The following NACAD variants were observed in gnomAD, a reference collection of about 807,000 sequenced individuals.
NACAD encodes NAC alpha domain containing.
Under a neutral mutation model 98.9 loss-of-function variants are expected in NACAD, and 47 were observed. The observed-to-expected ratio is 0.48, with a 90% CI of 0.38 to 0.61. The LOEUF is 0.61. NACAD is among the 20% of genes least tolerant of loss of function. The pLI is 0.00. For missense variants in NACAD, 1,412 were observed against 1,748.2 expected (o/e 0.81, Z 3.43); for synonymous variants, 696 against 767.2 (o/e 0.91, Z 1.53).
rs1394151562 is a variant in NACAD, at chr7:45,084,960, C to G, written c.1220G>C (p.Gly407Ala). The G allele has an allele frequency of 1.3e-6, 2 of 1,551,136 alleles. No individual in the cohort carries two copies. The highest frequency in any genetic ancestry group is 3.9e-5 in the Admixed American group (2 of 51,006). ...CAAAGTGGCCTGGGCATGGGGCTCC[C>G]CGCTGTACAGCCTCTCATCATCTGC... ...AEADDERLYS[G>A]EPHAQATLLQ... Residue 407 changes from glycine to alanine, a missense_variant, in exon 2 of 8, where the codon GGG becomes GCG. By Grantham distance (60) the Gly-to-Ala change is moderately conservative. Transcript: ENST00000490531.
rs1330641902 is a variant in NACAD, at chr7:45,081,866, G to A, written c.4074C>T (p.Asp1358=). Reference sequence around the variant, plus strand: ...GGCCCGAGCCCAGGGCCCGAGGCGAGTCTGGGGAAGGGGAGAGGTGTGAGG... The same window carrying A: ...GGCCCGAGCCCAGGGCCCGAGGCGAATCTGGGGAAGGGGAGAGGTGTGAGG... The part of the protein sequence containing the change: ...QQEDEDSLEE[D]SPRALGSGQH... The change falls in exon 3 of 8, where the codon GAC becomes GAT. Residue 1358 remains aspartate (D), a splice_region_variant and synonymous_variant. Transcript: ENST00000490531. 1 of 1,544,586 alleles carries A rather than the reference G, an allele frequency of 6.5e-7. No homozygotes were observed.
In NACAD at chr7:45,082,579, G is replaced by A. The variant is rs774563747; in HGVS notation, c.3601C>T (p.Leu1201Phe). Residue 1201 changes from leucine (L) to phenylalanine (F), a missense_variant, in exon 2 of 8, where the codon CTT (leucine) becomes TTT (phenylalanine). This residue lies in a region of NACAD where 572 missense variants were observed against 639.6 expected (regional missense o/e 0.89). Coordinates refer to ENST00000490531, the MANE Select transcript of NACAD (RefSeq NM_001146334.2). The surrounding 1 kb of genome is among the most constrained non-coding windows in gnomAD (Gnocchi z 4.5). Reference protein sequence around the residue: ...VEQPHEVPSVLGTPLLQPPEN... With the variant: ...VEQPHEVPSVFGTPLLQPPEN... ...GGGGGCTGCAGCAAGGGGGTGCCAA[G>A]GACACTGGGTACTTCGTGGGGTTGC... is the stretch of plus-strand genomic sequence containing the variant. 42 of 1,544,790 alleles carry A rather than the reference G, an allele frequency of 2.7e-5. 1 individual carries two copies. In the Middle Eastern group the frequency reaches 2.0e-3, roughly 74 times the overall value.
chr7:45,085,687 A>T lies in NACAD; in HGVS notation c.493T>A (p.Ser165Thr), dbSNP rs1784510652. 1.9e-6 allele frequency: 3 copies of T among 1,549,190 alleles called. No homozygotes were observed. Among genetic ancestry groups the T allele is most frequent in the Non-Finnish European group, 2.6e-6 (3 of 1,146,546 alleles). The change falls in exon 2 of 8, where the codon TCC (serine) becomes ACC (threonine). Residue 165 changes from serine (S) to threonine (T), a missense_variant. Ser to Thr is a moderately conservative substitution (Grantham distance 58). Around this residue, in one of 5 missense-constraint regions of NACAD, gnomAD observed 638 missense variants for 722.7 expected, o/e 0.88. Coordinates refer to ENST00000490531, the MANE Select transcript of NACAD (RefSeq NM_001146334.2). The surrounding 1 kb of genome is among the most constrained non-coding windows in gnomAD (Gnocchi z 6.1). ...AAGGAATCAGGGTCTGGGGGAGGGG[A>T]AGGCACAGAAAGATCACCCTGAGAA... ...LCSQGDLSVP[S>T]PPPDPDSFFT...
rs1015769543 is a variant in NACAD, at chr7:45,084,834, G to A, written c.1346C>T (p.Pro449Leu). 6.4e-7 allele frequency: 1 copy of A among 1,550,728 alleles called. No individual in the cohort carries two copies. Among genetic ancestry groups the A allele is most frequent in the African/African-American group, 1.4e-5 (1 of 73,002 alleles). ...GTVSWAVEAAPQTSDRGAYLS... is the reference protein window; with the variant it reads ...GTVSWAVEAALQTSDRGAYLS... ...ATAGGCCCCTCTGTCTGAGGTCTGA[G>A]GAGCAGCCTCCACGGCCCAGGACAC... The change falls in exon 2 of 8, where the codon CCT becomes CTT. Residue 449 changes from proline to leucine, a missense_variant. Transcript: ENST00000490531.
In NACAD at chr7:45,080,879, T is replaced by TTCCTCC. The variant is rs766770999; in HGVS notation, c.4542_4547dup (p.Glu1516_Glu1517dup). On this transcript the variant is annotated inframe_insertion, in exon 6 of 8. Transcript: ENST00000490531. ...CCCTGGAGCCCCTGCACTTCACCTCTTCCTCCTCCTCCTCTTCCTCTTCCT... is the reference window on the plus strand; with the variant it reads ...CCCTGGAGCCCCTGCACTTCACCTCTTCCTCCTCCTCCTCCTCCTCTTCCTCTTCCT... 1.3e-6 allele frequency: 2 copies of TTCCTCC among 1,556,244 alleles called. No homozygotes were observed. The highest frequency in any genetic ancestry group is 2.4e-5 in the South Asian group (2 of 84,474).
Position 45,082,698 on chromosome 7 carries a change from G to A in NACAD, c.3482C>T (p.Ser1161Phe). Residue 1161 changes from serine (S) to phenylalanine (F), a missense_variant, in exon 2 of 8, where the codon TCC (serine) becomes TTC (phenylalanine). Physicochemically the swap from Ser to Phe is radical, Grantham distance 155. Around this residue, in one of 5 missense-constraint regions of NACAD, gnomAD observed 572 missense variants for 639.6 expected, o/e 0.89. Coordinates refer to ENST00000490531, the MANE Select transcript of NACAD (RefSeq NM_001146334.2). This position sits in a 1 kb window ranked among gnomAD's most constrained non-coding sequence, Gnocchi z 4.5. ...SCPESSVGAV[S>F]SLDRGCPDAP... ...GTCAGGGCAGCCTCTGTCCAGACTG[G>A]ACACAGCCCCTACTGAAGACTCTGG... 1.3e-6 allele frequency: 2 copies of A among 1,517,370 alleles called. No individual in the cohort carries two copies. The highest frequency in any genetic ancestry group is 1.8e-6 in the Non-Finnish European group (2 of 1,130,594). 94.0% of individuals were successfully genotyped at this position (1,517,370 alleles called of 1,614,324 possible). A position where few individuals can be genotyped will look rare whatever the true frequency, so the allele number is the denominator to read the frequency against.
Position 45,084,677 on chromosome 7 carries a change from T to A in NACAD, c.1503A>T (p.Arg501Ser). 6.4e-7 allele frequency: 1 copy of A among 1,551,172 alleles called. No homozygotes were observed. The highest frequency in any genetic ancestry group is 8.7e-7 in the Non-Finnish European group (1 of 1,146,844). ...APGLQVEVAT[R>S]VTPQAGEEET... Reference sequence around the variant, plus strand: ...CTTCCTCCCCAGCCTGTGGGGTCACTCTGGTAGCCACCTCCACCTGGAGGC... The same window carrying A: ...CTTCCTCCCCAGCCTGTGGGGTCACACTGGTAGCCACCTCCACCTGGAGGC... The change falls in exon 2 of 8, where the codon AGA becomes AGT. Residue 501 changes from arginine to serine, a missense_variant. Arg to Ser is a moderately radical substitution (Grantham distance 110). Transcript: ENST00000490531.
Position 45,085,238 on chromosome 7 carries a change from C to T in NACAD, c.942G>A (p.Gln314=). Residue 314 remains glutamine (Q), a synonymous_variant, in exon 2 of 8, where the codon CAG becomes CAA. Coordinates refer to ENST00000490531, the MANE Select transcript of NACAD (RefSeq NM_001146334.2). This position sits in a 1 kb window ranked among gnomAD's most constrained non-coding sequence, Gnocchi z 6.1. ...PMIPAALLPF[Q]GSLIFQVEAV... ...CCTCCACCTGAAAGATGAGGCTGCC[C>T]TGGAAGGGTAGGAGGGCTGCGGGGA... The T allele has an allele frequency of 6.4e-7, 1 of 1,551,426 alleles. No homozygotes were observed. Among genetic ancestry groups the T allele is most frequent in the South Asian group, 1.2e-5 (1 of 84,066 alleles).
Position 45,084,748 on chromosome 7 carries a change from C to T in NACAD, c.1432G>A (p.Glu478Lys). The part of the protein sequence containing the change: ...VTEEGLALGQ[E>K]STATVTPHTL... The stretch of plus-strand genomic sequence containing the variant: ...TGAGGGGTCACAGTGGCAGTGGACT[C>T]CTGGCCTAAAGCAAGGCCCTCTTCT... The change falls in exon 2 of 8, where the codon GAG becomes AAG. Residue 478 changes from glutamate (E) to lysine (K), a missense_variant. This residue lies in a region of NACAD where 638 missense variants were observed against 722.7 expected (regional missense o/e 0.88). Coordinates refer to ENST00000490531, the MANE Select transcript of NACAD (RefSeq NM_001146334.2). The T allele has an allele frequency of 6.4e-7, 1 of 1,551,120 alleles. No individual in the cohort carries two copies. The highest frequency in any genetic ancestry group is 8.7e-7 in the Non-Finnish European group (1 of 1,146,942).
chr7:45,083,659 C>T lies in NACAD; in HGVS notation c.2521G>A (p.Ala841Thr). Residue 841 changes from alanine to threonine, a missense_variant, in exon 2 of 8, where the codon GCT becomes ACT. Physicochemically the swap from Ala to Thr is moderately conservative, Grantham distance 58. This residue lies in a region of NACAD where 72 missense variants were observed against 198.0 expected (regional missense o/e 0.36). Transcript: ENST00000490531. ...TGTAGGGGCAGAGGCGGTGTCATAG[C>T]GGAGTCCTGGGGTAAGGTGAGGCCC... ...EEGLTLPQDS[A>T]MTPPLPLQDT... is the part of the protein sequence containing the mutation. 5 of 304,376 alleles carry T rather than the reference C, an allele frequency of 1.6e-5. No individual in the cohort carries two copies. The highest frequency in any genetic ancestry group is 3.8e-5 in the East Asian group (1 of 26,242). 18.9% of individuals were successfully genotyped at this position (304,376 alleles called of 1,614,324 possible). A position where few individuals can be genotyped will look rare whatever the true frequency, so the allele number is the denominator to read the frequency against.
chr7:45,082,486 G>T lies in NACAD; in HGVS notation c.3694C>A (p.Pro1232Thr). Residue 1232 changes from proline to threonine, a missense_variant, in exon 2 of 8, where the codon CCT becomes ACT. Around this residue, in one of 5 missense-constraint regions of NACAD, gnomAD observed 572 missense variants for 639.6 expected, o/e 0.89. Transcript: ENST00000490531. The surrounding 1 kb of genome is among the most constrained non-coding windows in gnomAD (Gnocchi z 4.5). ...DRPLGPDPSA[P>T]GTLAGAALPP... ...AGGGCTGCCCCAGCAAGGGTACCAG[G>T]AGCAGAAGGGTCAGGGCCCAGGGGC... 1 of 1,549,628 alleles carries T rather than the reference G, an allele frequency of 6.5e-7. No homozygotes were observed.
At position 45,083,048 on chromosome 7, in the gene NACAD, G is replaced by C. The variant is rs572590270; in HGVS notation, c.3132C>G (p.Ala1044=). Residue 1044 remains alanine (A), a synonymous_variant, in exon 2 of 8, where the codon GCC becomes GCG. Coordinates refer to ENST00000490531, the MANE Select transcript of NACAD (RefSeq NM_001146334.2). ...ATGCTTCCCGTCCAGGCCTAGAAAGGGCTTCTGCTATTTCCTCCCCAGCAC... is the reference window on the plus strand; with the variant it reads ...ATGCTTCCCGTCCAGGCCTAGAAAGCGCTTCTGCTATTTCCTCCCCAGCAC... The part of the protein sequence containing the change: ...ASGAGEEIAE[A]LSRPGREACL... The C allele has an allele frequency of 1.3e-6, 2 of 1,550,920 alleles. No individual in the cohort carries two copies. The highest frequency in any genetic ancestry group is 1.4e-5 in the African/African-American group (1 of 73,188).
At position 45,080,654 on chromosome 7, in the gene NACAD, C is replaced by T. The variant is rs1316983615; in HGVS notation, c.4660G>A (p.Val1554Ile). 3.9e-6 allele frequency: 6 copies of T among 1,551,214 alleles called. No homozygotes were observed. The highest frequency in any genetic ancestry group is 5.2e-6 in the Non-Finnish European group (6 of 1,146,926). The stretch of plus-strand genomic sequence containing the variant: ...TGCTCACTCACCATGATGGCGTTGA[C>T]GATGTCACTGTGGTTGTCTCTCAGA... Reference protein sequence around the residue: ...RALRDNHSDIVNAIMELTM With the variant: ...RALRDNHSDIINAIMELTM Residue 1554 changes from valine (V) to isoleucine (I), a missense_variant, in exon 7 of 8, where the codon GTC becomes ATC. Physicochemically the swap from Val to Ile is conservative, Grantham distance 29 (BLOSUM62 3). Transcript: ENST00000490531.
intron 1 of NACAD, among the ~76,000 whole-genome samples, chr7:45,087,197 G>A (rs996616481): frequency 2.0e-5 from 3 of 152,160 alleles, no homozygotes; most frequent in Non-Finnish European, 4.4e-5. Context: ...ATGGTTTTCT[G>A]CCTCCTGGAC....
In NACAD at chr7:45,082,418, G is replaced by A; in HGVS notation, c.3762C>T (p.Pro1254=). ...EPPAPCLCQD[P]QEDSVEDEEP... ...CCTCGTCTTCCACAGAGTCTTCCTG[G>A]GGGTCCTGGCACAGGCAGGGGGCTG... Residue 1254 remains proline, a synonymous_variant, in exon 2 of 8, where the codon CCC becomes CCT. Transcript: ENST00000490531. This position sits in a 1 kb window ranked among gnomAD's most constrained non-coding sequence, Gnocchi z 4.5. The A allele has an allele frequency of 6.5e-7, 1 of 1,549,218 alleles. No homozygotes were observed. Among genetic ancestry groups the A allele is most frequent in the Non-Finnish European group, 8.7e-7 (1 of 1,146,564 alleles).
chr7:45,088,267 C>G lies in NACAD; in HGVS notation c.67+561G>C, dbSNP rs1784551295. Among the ~76,000 whole-genome samples the G allele has an allele frequency of 6.6e-6, 1 of 152,246 alleles. No homozygotes were observed. The highest frequency in any genetic ancestry group is 2.1e-4 in the South Asian group (1 of 4,834). On this transcript the variant is annotated intron_variant, in intron 1 of 7. Coordinates refer to ENST00000490531, the MANE Select transcript of NACAD (RefSeq NM_001146334.2). The surrounding 1 kb of genome is among the most constrained non-coding windows in gnomAD (Gnocchi z 5.7). ...GCCATTGCTAATCAGGCCACCTCCCCCAAGGCCTTCCACCTTCCAGACCCA... is the reference window on the plus strand; with the variant it reads ...GCCATTGCTAATCAGGCCACCTCCCGCAAGGCCTTCCACCTTCCAGACCCA...
chr7:45,081,611 T>G lies in NACAD; in HGVS notation c.4247A>C (p.Lys1416Thr). 3 of 1,551,394 alleles carry G rather than the reference T, an allele frequency of 1.9e-6. No homozygotes were observed. Among genetic ancestry groups the G allele is most frequent in the South Asian group, 2.4e-5 (2 of 84,066 alleles). Residue 1416 changes from lysine (K) to threonine (T), a missense_variant, in exon 4 of 8, where the codon AAG becomes ACG. Physicochemically the swap from Lys to Thr is moderately conservative, Grantham distance 78. This residue lies in a region of NACAD where 572 missense variants were observed against 639.6 expected (regional missense o/e 0.89). Coordinates refer to ENST00000490531, the MANE Select transcript of NACAD (RefSeq NM_001146334.2). ...GAGCCACCAGCCCACCTTTCGGGCC[T>G]TCTTCTCACTGCGACTCTGCTTGGC... is the stretch of plus-strand genomic sequence containing the variant. The part of the protein sequence containing the change: ...AKAKQSRSEK[K>T]ARKAMSKLGL...
At chr7:45,081,312 C>G in intron 4 of NACAD, 49 bp from the exon 5 acceptor site, 1 of 1,541,260 alleles carries the variant, frequency 6.5e-7, no homozygotes, top group Non-Finnish European at 8.8e-7. Context: ...TGACCCACGT[C>G]GGGGGAGGAG....
At position 45,083,349 on chromosome 7, in the gene NACAD, GT is replaced by G; in HGVS notation, c.2830del (p.Thr944ProfsTer26). 1 of 1,551,372 alleles carries G rather than the reference GT, an allele frequency of 6.4e-7. No individual in the cohort carries two copies. Among genetic ancestry groups the G allele is most frequent in the Non-Finnish European group, 8.7e-7 (1 of 1,147,024 alleles). ...TSGPEPLAVA[T>X]PQTLQAEAGC... ...TGCTTCTGCCTGCAAGGTTTGAGGG[GT>G]GGCCACAGCCAGAGGCTCTGGACCT... On this transcript the variant is annotated frameshift_variant, in exon 2 of 8. Coordinates refer to ENST00000490531, the MANE Select transcript of NACAD (RefSeq NM_001146334.2). LOFTEE classifies it high-confidence loss of function.
Sources: gnomAD v4.1 joint callset for allele counts (sites outside exome capture counted in the v4.1 genomes callset) on GRCh38, gnomAD v4.1.1 for gene constraint, gnomAD v4.1.1 regional missense constraint, Gnocchi (gnomAD v3.1) non-coding constraint, MANE v1.5 for transcripts, NCBI Gene and HGNC (gene_info 2026-07-23, HGNC 2026-07-21) for gene names.